The following NBEA variants were observed in gnomAD, a reference collection of about 807,000 sequenced individuals.
NBEA encodes the protein lysosomal-trafficking regulator 2.
Under a neutral mutation model 343.4 loss-of-function variants are expected in NBEA, and 44 were observed. The ratio of observed to expected loss-of-function variants is 0.13; its 90% CI spans 0.10 to 0.16. The LOEUF is 0.16. NBEA is among the 10% of genes least tolerant of loss of function. The probability of loss-of-function intolerance (pLI) is 1.00; values close to 1 mark genes in which losing one functional copy is unlikely to be tolerated. For missense variants in NBEA, 2,555 were observed against 3,631.3 expected, an observed-to-expected ratio of 0.70 and a Z score of 7.62; for synonymous variants, 1,175 against 1,238.7, an observed-to-expected ratio of 0.95 and a Z score of 1.08.
chr13:35,429,841 A>ACG (rs2044982999), intron 38 of NBEA, among the ~76,000 whole-genome samples: 1 of 100,284 alleles, frequency 1.0e-5, no homozygotes, highest in Non-Finnish European at 2.3e-5. Flanking sequence ...GTGTACACAC[A>ACG]TTTTCTTTAT....
At chr13:35,478,493 C>T (rs1214088626) in intron 41 of NBEA, among the ~76,000 whole-genome samples, 2 of 152,262 alleles carry the variant, frequency 1.3e-5, no homozygotes, top group African/African-American at 2.4e-5. Context: ...TCACCCGGCG[C>T]GTGTGGCCCT....
At chr13:35,533,820 G>A (rs1379413631) in intron 41 of NBEA, among the ~76,000 whole-genome samples, 3 of 152,152 alleles carry the variant, frequency 2.0e-5, no homozygotes, top group Non-Finnish European at 4.4e-5. Context: ...CATTCATTGA[G>A]TACTTGCTGT....
intron 10 of NBEA, among the ~76,000 whole-genome samples, chr13:35,086,990 G>A (rs1329856101): frequency 2.6e-5 from 4 of 151,294 alleles, no homozygotes; most frequent in African/African-American, 9.7e-5. Context: ...TTTTTAATGG[G>A]GTTATTTTTT....
chr13:35,467,659 A>G (rs895998327), intron 40 of NBEA, among the ~76,000 whole-genome samples: 1 of 152,176 alleles, frequency 6.6e-6, no homozygotes, highest in Non-Finnish European at 1.5e-5. Flanking sequence ...AGAATTTCAG[A>G]TTAGTTTTAG....
chr13:35,104,281 A>G (rs2065805440), intron 11 of NBEA, among the ~76,000 whole-genome samples: 2 of 151,942 alleles, frequency 1.3e-5, no homozygotes, highest in Admixed American at 1.3e-4. Context: ...TATTCCTTCC[A>G]TAACCATCAG....
chr13:34,989,863 T>C (rs1221078366), intron 1 of NBEA, among the ~76,000 whole-genome samples: 1 of 151,046 alleles, frequency 6.6e-6, no homozygotes, highest in Non-Finnish European at 1.5e-5. Flanking sequence ...ACAATGGGGC[T>C]ACAGGCATTG....
intron 52 of NBEA, 113 bp from the exon 53 acceptor site, chr13:35,651,692 T>C: frequency 1.4e-6 from 1 of 706,526 alleles, no homozygotes; most frequent in South Asian, 1.6e-5. Flanking sequence ...ATTTATCAAA[T>C]CATTTTTAAG....
chr13:35,101,771 C>A (rs2065658201), intron 11 of NBEA, among the ~76,000 whole-genome samples: 1 of 151,510 alleles, frequency 6.6e-6, no homozygotes, highest in Non-Finnish European at 1.5e-5. Flanking sequence ...GGTTGTCTGT[C>A]ATTTTGTTAC....
intron 38 of NBEA, among the ~76,000 whole-genome samples, chr13:35,369,479 T>G (rs1370079914): frequency 1.3e-5 from 2 of 151,900 alleles, no homozygotes; most frequent in East Asian, 3.9e-4. Context: ...CTTTGAATAA[T>G]ATGATGATAT....
chr13:35,015,149 A>C (rs1402670298), intron 1 of NBEA, among the ~76,000 whole-genome samples: 4 of 149,026 alleles, frequency 2.7e-5, no homozygotes, highest in Non-Finnish European at 4.5e-5. Flanking sequence ...ACAAACAAAA[A>C]AAAAAAACCA....
chr13:35,388,813 C>T (rs537733403), intron 38 of NBEA, among the ~76,000 whole-genome samples: 1 of 152,208 alleles, frequency 6.6e-6, no homozygotes, highest in Non-Finnish European at 1.5e-5. Flanking sequence ...GCCTTGAAGG[C>T]ATTATATTTT....
At chr13:35,033,296 C>T (rs189650916) in intron 1 of NBEA, among the ~76,000 whole-genome samples, 279 of 151,342 alleles carry the variant, frequency 1.8e-3, no homozygotes, top group African/African-American at 5.4e-3. Context: ...GGCACCTTTG[C>T]GAAAAATGAG....
rs577895244 is a variant in NBEA at position 35,645,802 on chromosome 13, A to G, written c.7618-67A>G. 7 of 970,294 alleles carry G rather than the reference A, an allele frequency of 7.2e-6. No homozygotes were observed. In the East Asian group the frequency reaches 1.9e-4, roughly 26 times the overall value. 60.1% of individuals were successfully genotyped at this position (970,294 alleles called of 1,614,324 possible). A position where few individuals can be genotyped will look rare whatever the true frequency, so the allele number is the denominator to read the frequency against. ...ACCCTCTGAATTAATTGGAACCTAT[A>G]ACTTTCTGAATTTTATTTTGTATAA... On this transcript the variant is annotated intron_variant, in intron 49 of 58. Transcript: ENST00000379939.
At chr13:35,115,860 GTAT>G (rs759755007) in intron 13 of NBEA, among the ~76,000 whole-genome samples, 24 of 152,240 alleles carry the variant, frequency 1.6e-4, no homozygotes, top group Middle Eastern at 3.4e-3. Context: ...ATGACAAGCA[GTAT>G]TATTATTCTT....
chr13:35,472,358 C>T (rs1447098147), intron 40 of NBEA, 42 bp from the exon 41 acceptor site: 3 of 1,596,576 alleles, frequency 1.9e-6, no homozygotes, highest in African/African-American at 2.7e-5. Flanking sequence ...GCAGGAAGGG[C>T]CACAGGGGCT....
chr13:35,150,370 AT>A (rs1331331891), intron 18 of NBEA, among the ~76,000 whole-genome samples: 2 of 152,168 alleles, frequency 1.3e-5, no homozygotes, highest in Non-Finnish European at 2.9e-5. Context: ...GCCAAACCAA[AT>A]TTTATTATCA....
At chr13:35,378,018 A>G (rs902781732) in intron 38 of NBEA, among the ~76,000 whole-genome samples, 3 of 152,216 alleles carry the variant, frequency 2.0e-5, no homozygotes, top group African/African-American at 7.2e-5. Flanking sequence ...ATTTTTACAA[A>G]TAAATTATAG....
chr13:35,144,772 G>A (rs1029385954), intron 18 of NBEA, among the ~76,000 whole-genome samples: 2 of 152,122 alleles, frequency 1.3e-5, no homozygotes, highest in Admixed American at 1.3e-4. Flanking sequence ...TTCTAAGGGT[G>A]AGTCATCAGG....
chr13:35,077,009 A>G (rs543052384), intron 10 of NBEA, among the ~76,000 whole-genome samples: 4 of 152,098 alleles, frequency 2.6e-5, no homozygotes, highest in Non-Finnish European at 4.4e-5. Flanking sequence ...AATACTTTTA[A>G]TAGATTGTAG....
Sources: allele counts gnomAD v4.1 joint callset (sites outside exome capture counted in the v4.1 genomes callset), GRCh38; gene constraint gnomAD v4.1.1; transcripts MANE v1.5; gene names NCBI Gene and HGNC (gene_info 2026-07-23, HGNC 2026-07-21).